Variants in UBXN11 observed in about 807,000 individuals in gnomAD.
UBXN11 encodes the protein UBX domain-containing protein 11.
UBXN11 carries 47 observed loss-of-function variants against 62.8 expected under a neutral mutation model. That is an observed-to-expected ratio of 0.75 (90% CI 0.59 to 0.95). The LOEUF (loss-of-function observed/expected upper bound fraction) is 0.95. UBXN11 is among the 40% of genes least tolerant of loss of function. The pLI is 0.00. For missense variants in UBXN11, 638 were observed against 661.7 expected, an observed-to-expected ratio of 0.96 and a Z score of 0.39; for synonymous variants, 294 against 267.0, an observed-to-expected ratio of 1.10 and a Z score of -0.99.
chr1:26,285,669 C>G lies in UBXN11; in HGVS notation c.775-128G>C, dbSNP rs115660949. On this transcript the variant is annotated intron_variant, in intron 9 of 14. Transcript: ENST00000374222. The stretch of plus-strand genomic sequence containing the variant: ...CCGCACTCTGGAAACATTCAGAGTC[C>G]CAGGCCTTGGGAGAGGGGCCTCTGC... The G allele has an allele frequency of 1.1e-3, 1,449 of 1,368,444 alleles. 15 individuals carry two copies. The African/African-American group carries it at 0.02, about 19-fold the overall frequency. The allele number at this position is 1,368,444 out of a possible 1,614,324, so 84.8% of individuals were successfully genotyped here.
chr1:26,283,320 T>G lies in UBXN11; in HGVS notation c.1078-383A>C, dbSNP rs118147268. ...GGATGCAGGGATATTCCAGACAGCA[T>G]CAACAAAGATCCTGGGTTCAGGGAA... On this transcript the variant is annotated intron_variant, in intron 12 of 14. Coordinates refer to ENST00000374222, the MANE Select transcript of UBXN11 (RefSeq NM_001389556.1). 6.7e-3 allele frequency among the ~76,000 whole-genome samples: 1,020 copies of G among 152,152 alleles called. 14 individuals are homozygous for G. The highest frequency in any genetic ancestry group is 0.065 in the East Asian group (336 of 5,174).
chr1:26,286,850 C>A (rs987780006), intron 8 of UBXN11, among the ~76,000 whole-genome samples: 2 of 152,142 alleles, frequency 1.3e-5, no homozygotes, highest in East Asian at 3.8e-4. Flanking sequence ...AGGCATGAGC[C>A]ACCACACCCG....
At chr1:26,309,133 C>T (rs953090947), upstream of UBXN11, among the ~76,000 whole-genome samples, 2 of 151,874 alleles carry the variant, frequency 1.3e-5, no homozygotes, top group African/African-American at 2.4e-5. Context: ...CGGGGTTTCA[C>T]GATGTTGGCC....
intron 8 of UBXN11, among the ~76,000 whole-genome samples, chr1:26,287,253 T>C (rs2073154081): frequency 6.6e-6 from 1 of 151,768 alleles, no homozygotes; most frequent in Non-Finnish European, 1.5e-5. Context: ...TGTGCAACTA[T>C]TTCTGGGTCA....
intron 4 of UBXN11, among the ~76,000 whole-genome samples, chr1:26,299,872 G>GACCA (rs1205825863): frequency 9.2e-5 from 14 of 152,108 alleles, no homozygotes. Flanking sequence ...GCTCATGCCT[G>GACCA]TAATCCCAGC....
chr1:26,312,519 T>TG (rs1320268354), intron 1 of UBXN11, among the ~76,000 whole-genome samples: 1 of 151,610 alleles, frequency 6.6e-6, no homozygotes, highest in Non-Finnish European at 1.5e-5. Context: ...CTCAAAGTGC[T>TG]GGGATTACAG....
exon 1 of UBXN11, chr1:26,318,268 T>G: frequency 1.7e-6 from 1 of 579,394 alleles, no homozygotes. Context: ...GCTGCACTGC[T>G]TGCGGGCTGC....
At chr1:26,285,397 G>T (rs896426662) in intron 10 of UBXN11, 67 bp downstream of exon 10, 73 of 1,573,364 alleles carry the variant, frequency 4.6e-5, no homozygotes, top group Non-Finnish European at 6.3e-5. Flanking sequence ...GGAGGTGTCT[G>T]GGGAGGCTGT....
chr1:26,289,930 C>T (rs1332071470), intron 8 of UBXN11, among the ~76,000 whole-genome samples: 1 of 152,216 alleles, frequency 6.6e-6, no homozygotes, highest in Non-Finnish European at 1.5e-5. Flanking sequence ...GACTTTACTG[C>T]AGTCACTCTG....
chr1:26,285,330 C>G, intron 10 of UBXN11, 134 bp downstream of exon 10: 1 of 1,519,368 alleles, frequency 6.6e-7, no homozygotes, highest in Non-Finnish European at 8.8e-7. Flanking sequence ...GACTTATCCT[C>G]CTGGAGGGCA....
intron 1 of UBXN11, among the ~76,000 whole-genome samples, chr1:26,313,115 G>A (rs182047014): frequency 6.6e-5 from 10 of 151,692 alleles, no homozygotes; most frequent in Non-Finnish European, 1.5e-4. Flanking sequence ...TCCCAGCCCT[G>A]TCTCAGTGAG....
chr1:26,307,242 G>A (rs1379873016), upstream of UBXN11, among the ~76,000 whole-genome samples: 3 of 152,164 alleles, frequency 2.0e-5, no homozygotes, highest in Non-Finnish European at 2.9e-5. Flanking sequence ...ATTAGACTCA[G>A]TCACCAAAAC....
rs11579630 is a variant in UBXN11, at chr1:26,285,806, C to G, written c.774+17G>C. 8.0e-5 allele frequency: 126 copies of G among 1,579,624 alleles called. No individual in the cohort carries two copies. In the African/African-American group the frequency reaches 1.6e-3, roughly 20 times the overall value. Reference sequence around the variant, plus strand: ...GCAGGGGCACTAGAGCACCACCCCCCCCAACACCGCTCCTACCTGTGTGGA... The same window carrying G: ...GCAGGGGCACTAGAGCACCACCCCCGCCAACACCGCTCCTACCTGTGTGGA... On this transcript the variant is annotated intron_variant, in intron 9 of 14. Coordinates refer to ENST00000374222, the MANE Select transcript of UBXN11 (RefSeq NM_001389556.1).
rs989640076 is a variant in UBXN11 at position 26,282,504 on chromosome 1, G to C, written c.1358C>G (p.Thr453Arg). 18 of 1,601,988 alleles carry C rather than the reference G, an allele frequency of 1.1e-5. No homozygotes were observed. The highest frequency in any genetic ancestry group is 1.5e-5 in the Non-Finnish European group (18 of 1,172,436). ...TFPPTLYQDD[T>R]LTLQAAGLVP... ...AAGGCCTGCAGCCTGCAGCGTGAGT[G>C]TATCGTCCTGGTAGAGGGTGGGCGG... The change falls in exon 15 of 15, where the codon ACA becomes AGA. Residue 453 changes from threonine (T) to arginine (R), a missense_variant. Thr to Arg is a moderately conservative substitution (Grantham distance 71). Transcript: ENST00000374222.
At chr1:26,298,192 G>T (rs1264941273) in intron 4 of UBXN11, 130 bp from the exon 5 acceptor site, 5 of 878,292 alleles carry the variant, frequency 5.7e-6, no homozygotes, top group Non-Finnish European at 7.1e-6. Context: ...GGCATCATAG[G>T]AACTGTTCTA....
chr1:26,284,643 C>T, intron 10 of UBXN11, 161 bp from the exon 11 acceptor site: 1 of 1,387,582 alleles, frequency 7.2e-7, no homozygotes. Context: ...ACGGTTCGTA[C>T]TGCTGTCATC....
At chr1:26,311,478 C>G (rs2073744137), upstream of UBXN11, among the ~76,000 whole-genome samples, 1 of 150,804 alleles carries the variant, frequency 6.6e-6, no homozygotes, top group South Asian at 2.1e-4. Context: ...GTCTCACACT[C>G]GTTGCCAAGG....
Position 26,294,225 on chromosome 1 carries a change from G to C in UBXN11, c.539C>G (p.Ala180Gly). 1 of 1,614,152 alleles carries C rather than the reference G, an allele frequency of 6.2e-7. No homozygotes were observed. Among genetic ancestry groups the C allele is most frequent in the Admixed American group, 1.7e-5 (1 of 60,032 alleles). ...TCTACCTGGCTTCCAGAACTTCTTG[G>C]CTGTCATCCAGTCCCTCTCGCCATG... is the stretch of plus-strand genomic sequence containing the variant. ...SEHGERDWMTAKKFWKPGDSL... is the reference protein window; with the variant it reads ...SEHGERDWMTGKKFWKPGDSL... Residue 180 changes from alanine to glycine, a missense_variant, in exon 8 of 15, where the codon GCC becomes GGC. Coordinates refer to ENST00000374222, the MANE Select transcript of UBXN11 (RefSeq NM_001389556.1).
chr1:26,297,103 C>G, intron 6 of UBXN11, 108 bp from the exon 7 acceptor site: 1 of 1,310,136 alleles, frequency 7.6e-7, no homozygotes, highest in Non-Finnish European at 1.1e-6. Flanking sequence ...CCCCCAAGAA[C>G]TGCCTCTTGG....
Sources: allele counts gnomAD v4.1 joint callset (sites outside exome capture counted in the v4.1 genomes callset), GRCh38; gene constraint gnomAD v4.1.1; transcripts MANE v1.5; gene names NCBI Gene and HGNC (gene_info 2026-07-23, HGNC 2026-07-21).